The following OGDH variants were observed in gnomAD, a reference collection of about 807,000 sequenced individuals.
OGDH encodes oxoglutarate dehydrogenase, also known as 2-oxoglutarate dehydrogenase complex component E1.
Under a neutral mutation model 116.6 loss-of-function variants are expected in OGDH, and 38 were observed. That is an observed-to-expected ratio of 0.33 (90% confidence interval 0.25 to 0.43). OGDH has a LOEUF of 0.43. OGDH is among the 20% of genes least tolerant of loss of function. The pLI is 1.00. For synonymous variants in OGDH, 488 were observed against 533.3 expected (o/e 0.92, Z 1.17); for missense variants, 825 against 1,357.2 (o/e 0.61, Z 6.16).
In OGDH at chr7:44,693,797, C is replaced by T. The variant is rs376775113; in HGVS notation, c.1336-28C>T. Reference sequence around the variant, plus strand: ...CCCTGTGCCGGCTGTGCCAGGTGCCCTCTTGCTAGGCTACATGTTCCTTGC... The same window carrying T: ...CCCTGTGCCGGCTGTGCCAGGTGCCTTCTTGCTAGGCTACATGTTCCTTGC... On this transcript the variant is annotated intron_variant, in intron 10 of 22. Coordinates refer to ENST00000222673, the MANE Select transcript of OGDH (RefSeq NM_002541.4). The T allele has an allele frequency of 4.5e-6, 7 of 1,545,052 alleles. No individual in the cohort carries two copies. In the African/African-American group the frequency reaches 6.8e-5, roughly 15 times the overall value.
At chr7:44,674,325 G>A (rs1221460512) in intron 6 of OGDH, 86 bp from the exon 7 acceptor site, 1 of 1,546,600 alleles carries the variant, frequency 6.5e-7, no homozygotes, top group Non-Finnish European at 8.9e-7. Context: ...GATTACAGGT[G>A]TGAGCCTCCA....
At position 44,709,022 on chromosome 7, in the gene OGDH, C is replaced by G. The variant is rs1789210677; in HGVS notation, c.*1023C>G. On this transcript the variant is annotated 3_prime_UTR_variant, in exon 23 of 23. Transcript: ENST00000222673. Reference sequence around the variant, plus strand: ...AAAAAAAAAAAAGGAACAGAAACAACTTTGCATTGCATTGGCTTGACCCAT... The same window carrying G: ...AAAAAAAAAAAAGGAACAGAAACAAGTTTGCATTGCATTGGCTTGACCCAT... 1.3e-5 allele frequency: 2 copies of G among 151,468 alleles called. No individual in the cohort carries two copies. The highest frequency in any genetic ancestry group is 2.9e-5 in the Non-Finnish European group (2 of 67,930). The allele number at this position is 151,468 out of a possible 1,614,324, so 9.4% of individuals were successfully genotyped here.
chr7:44,675,152 T>C, intron 7 of OGDH, 26 bp from the exon 8 acceptor site: 2 of 1,599,858 alleles, frequency 1.3e-6, no homozygotes, highest in Non-Finnish European at 1.7e-6. Flanking sequence ...CAGGCTCTGC[T>C]CACCCTACTC....
In OGDH at chr7:44,694,335, A is replaced by C; in HGVS notation, c.1516-89A>C. Reference sequence around the variant, plus strand: ...ATGAGGAATGAAGAACGTGGCCATCACCTAGGAGAGATGGGGCAGGTGCCT... The same window carrying C: ...ATGAGGAATGAAGAACGTGGCCATCCCCTAGGAGAGATGGGGCAGGTGCCT... On this transcript the variant is annotated intron_variant, in intron 11 of 22. Transcript: ENST00000222673. The surrounding 1 kb of genome is among the most constrained non-coding windows in gnomAD (Gnocchi z 4.2). 1 of 1,505,062 alleles carries C rather than the reference A, an allele frequency of 6.6e-7. No individual in the cohort carries two copies. The highest frequency in any genetic ancestry group is 9.0e-7 in the Non-Finnish European group (1 of 1,109,646). 93.2% of individuals were successfully genotyped at this position (1,505,062 alleles called of 1,614,324 possible).
intron 10 of OGDH, among the ~76,000 whole-genome samples, chr7:44,692,387 TAA>T (rs943756786): frequency 1.3e-5 from 2 of 152,190 alleles, no homozygotes; most frequent in Admixed American, 6.6e-5. Context: ...AAGCAAATGT[TAA>T]AAGGCAAACT....
At chr7:44,613,802 C>CTT (rs11397029) in intron 1 of OGDH, among the ~76,000 whole-genome samples, 31,720 of 106,224 alleles carry the variant, frequency 0.3, 6,006 homozygotes, top group Non-Finnish European at 0.4. Context: ...AGCCACCTGG[C>CTT]TTTTTTTTTT....
At chr7:44,663,707 G>A (rs549468355) in intron 4 of OGDH, among the ~76,000 whole-genome samples, 54 of 152,290 alleles carry the variant, frequency 3.5e-4, no homozygotes, top group African/African-American at 1.3e-3. Flanking sequence ...CCGAGAGGCG[G>A]AAGTTGCAGT....
intron 2 of OGDH, among the ~76,000 whole-genome samples, chr7:44,637,170 A>G (rs1318810580): frequency 6.6e-6 from 1 of 152,202 alleles, no homozygotes; most frequent in Non-Finnish European, 1.5e-5. Context: ...GTCTCAGCAC[A>G]TGGTGGGCAG....
intron 5 of OGDH, among the ~76,000 whole-genome samples, chr7:44,668,106 G>C (rs1585323359): frequency 6.6e-6 from 1 of 152,146 alleles, no homozygotes; most frequent in Non-Finnish European, 1.5e-5. Context: ...AAACTCTCTT[G>C]TCAGTGTTTC....
intron 10 of OGDH, among the ~76,000 whole-genome samples, chr7:44,686,046 C>CTTTTTTTTT (rs947000633): frequency 2.4e-4 from 35 of 144,888 alleles, no homozygotes; most frequent in African/African-American, 8.5e-4. Context: ...TTCTTTCTTT[C>CTTTTTTTTT]TTTTTTTTTT....
rs1204202076 is a variant in OGDH, at chr7:44,701,587, C to T, written c.2604C>T (p.Ala868=). The part of the protein sequence containing the change: ...TPKSLLRHPE[A]RSSFDEMLPG... ...AATCCCTGTTGCGCCACCCCGAGGC[C>T]AGATCCAGCTTTGATGAGATGCTTC... is the stretch of plus-strand genomic sequence containing the variant. The change falls in exon 20 of 23, where the codon GCC becomes GCT. Residue 868 remains alanine (A), a synonymous_variant. Coordinates refer to ENST00000222673, the MANE Select transcript of OGDH (RefSeq NM_002541.4). 6.2e-7 allele frequency: 1 copy of T among 1,614,052 alleles called. No individual in the cohort carries two copies. The highest frequency in any genetic ancestry group is 1.3e-5 in the African/African-American group (1 of 74,920).
chr7:44,678,238 G>A (rs1356327217), intron 9 of OGDH, among the ~76,000 whole-genome samples: 1 of 152,078 alleles, frequency 6.6e-6, no homozygotes, highest in Non-Finnish European at 1.5e-5. Context: ...GATCGGCATG[G>A]GGAGATCAGC....
intron 10 of OGDH, among the ~76,000 whole-genome samples, chr7:44,690,310 A>G (rs2116314029): frequency 6.6e-6 from 1 of 152,276 alleles, no homozygotes; most frequent in Non-Finnish European, 1.5e-5. Flanking sequence ...GTTGAAGTAA[A>G]TGGGAGGGGT....
At chr7:44,668,936 G>T (rs1409126563) in intron 5 of OGDH, among the ~76,000 whole-genome samples, 1 of 152,136 alleles carries the variant, frequency 6.6e-6, no homozygotes, top group African/African-American at 2.4e-5. Flanking sequence ...TGAAGTTCTT[G>T]TGTTGCCTGG....
chr7:44,697,797 C>G lies in OGDH; in HGVS notation c.2358+15C>G, dbSNP rs751076868. ...TGGAGGGCATGGTGAGCCTCTGGCCCTTCCCTGCCAGACCTAGGACTTGGG... is the reference window on the plus strand; with the variant it reads ...TGGAGGGCATGGTGAGCCTCTGGCCGTTCCCTGCCAGACCTAGGACTTGGG... On this transcript the variant is annotated intron_variant, in intron 17 of 22. Transcript: ENST00000222673. The surrounding 1 kb of genome is among the most constrained non-coding windows in gnomAD (Gnocchi z 6.0). 6.2e-7 allele frequency: 1 copy of G among 1,609,086 alleles called. No individual in the cohort carries two copies. The highest frequency in any genetic ancestry group is 2.2e-5 in the East Asian group (1 of 44,858).
chr7:44,700,484 C>A (rs1178869136), intron 19 of OGDH, among the ~76,000 whole-genome samples: 2 of 152,212 alleles, frequency 1.3e-5, no homozygotes, highest in African/African-American at 4.8e-5. Context: ...CCGACTGGGC[C>A]CCTGCATACT....
At chr7:44,626,967 T>C (rs1038966600) in intron 2 of OGDH, among the ~76,000 whole-genome samples, 2 of 152,058 alleles carry the variant, frequency 1.3e-5, no homozygotes, top group Non-Finnish European at 2.9e-5. Context: ...CAGTATGTGG[T>C]GTGTGCATGT....
At chr7:44,688,231 C>T (rs1474872888) in intron 10 of OGDH, among the ~76,000 whole-genome samples, 3 of 151,644 alleles carry the variant, frequency 2.0e-5, no homozygotes, top group African/African-American at 4.8e-5. Context: ...ATTAGCCAGG[C>T]GTGGTGGCTC....
intron 9 of OGDH, among the ~76,000 whole-genome samples, chr7:44,681,083 G>A (rs1787910465): frequency 6.6e-6 from 1 of 152,210 alleles, no homozygotes; most frequent in African/African-American, 2.4e-5. Context: ...CCAAGGGGCT[G>A]GTTCAGACGC....
Sources: allele counts gnomAD v4.1 joint callset (sites outside exome capture counted in the v4.1 genomes callset), GRCh38; gene constraint gnomAD v4.1.1; non-coding constraint Gnocchi (gnomAD v3.1); transcripts MANE v1.5; gene names NCBI Gene and HGNC (gene_info 2026-07-23, HGNC 2026-07-21).